Variants in CTNNA3 observed in about 807,000 individuals in gnomAD.
The protein encoded by CTNNA3 is catenin alpha 3, also known as catenin alpha-3.
A neutral mutation model predicts 95.7 loss-of-function variants in CTNNA3; 76 were observed. The observed-to-expected ratio is 0.79, with a 90% CI of 0.66 to 0.96. CTNNA3 has a LOEUF of 0.96. Among genes scored for constraint, CTNNA3 ranks in the 40% least tolerant of loss-of-function variants. The probability of loss-of-function intolerance (pLI) is 0.00; values close to 1 mark genes in which losing one functional copy is unlikely to be tolerated. For synonymous variants in CTNNA3, 431 were observed against 374.4 expected, an observed-to-expected ratio of 1.15 and a Z score of -1.74; for missense variants, 1,191 against 1,089.8, an observed-to-expected ratio of 1.09 and a Z score of -1.31.
chr10:67,519,902 T>C (rs531314153), intron 5 of CTNNA3, among the ~76,000 whole-genome samples: 2 of 152,274 alleles, frequency 1.3e-5, no homozygotes, highest in Admixed American at 1.3e-4. Context: ...GAATGCGAGA[T>C]AAAAGATAAA....
chr10:67,406,023 A>T (rs548877894), intron 5 of CTNNA3, among the ~76,000 whole-genome samples: 15 of 152,318 alleles, frequency 9.8e-5, no homozygotes, highest in African/African-American at 3.6e-4. Flanking sequence ...ACATGGGGGC[A>T]GTTTCCTCCA....
chr10:66,029,175 T>C (rs1233041227), intron 15 of CTNNA3, among the ~76,000 whole-genome samples: 9 of 152,062 alleles, frequency 5.9e-5, no homozygotes, highest in Admixed American at 1.3e-4. Flanking sequence ...AGCTTCTAAT[T>C]GGCCTTTTTA....
chr10:66,773,258 G>C (rs1214098706), intron 8 of CTNNA3, among the ~76,000 whole-genome samples: 1 of 152,120 alleles, frequency 6.6e-6, no homozygotes, highest in Non-Finnish European at 1.5e-5. Context: ...TCCTACAACA[G>C]ACAGAACTTC....
Position 66,950,912 on chromosome 10 carries a change from T to C in CTNNA3, c.1048-175388A>G, listed in dbSNP as rs1408589883. On this transcript the variant is annotated intron_variant, in intron 7 of 17. Coordinates refer to ENST00000433211, the MANE Select transcript of CTNNA3 (RefSeq NM_013266.4). ...TGAGGTGTAATCACATGAGACAGAA[T>C]TTGAATTCTGATCTGTCGGATTCAG... 1.1e-4 allele frequency among the ~76,000 whole-genome samples: 16 copies of C among 152,258 alleles called. No homozygotes were observed. The East Asian group carries it at 2.9e-3, about 28-fold the overall frequency.
intron 13 of CTNNA3, among the ~76,000 whole-genome samples, chr10:66,278,444 A>T (rs569479107): frequency 6.6e-6 from 1 of 152,070 alleles, no homozygotes; most frequent in Non-Finnish European, 1.5e-5. Flanking sequence ...AGTTAACAGA[A>T]ATGGAAGTAT....
intron 15 of CTNNA3, among the ~76,000 whole-genome samples, chr10:66,020,549 T>C (rs547471282): frequency 6.6e-6 from 1 of 152,326 alleles, no homozygotes; most frequent in Admixed American, 6.5e-5. Flanking sequence ...TAATTTATCT[T>C]ACATTCTGGC....
At chr10:66,365,300 C>G (rs184719727) in intron 12 of CTNNA3, among the ~76,000 whole-genome samples, 2 of 152,220 alleles carry the variant, frequency 1.3e-5, no homozygotes, top group East Asian at 3.9e-4. Flanking sequence ...AAACCAAACA[C>G]TGCATGTTCT....
At chr10:66,654,931 T>C (rs1846025776) in intron 9 of CTNNA3, among the ~76,000 whole-genome samples, 2 of 151,974 alleles carry the variant, frequency 1.3e-5, no homozygotes, top group East Asian at 1.9e-4. Flanking sequence ...GTGGTTAACA[T>C]GGGCTGTGGG....
chr10:66,684,269 C>A (rs1166601214), intron 9 of CTNNA3, among the ~76,000 whole-genome samples: 1 of 152,096 alleles, frequency 6.6e-6, no homozygotes, highest in Non-Finnish European at 1.5e-5. Flanking sequence ...TCCTATAATG[C>A]ACAGGGTAGC....
At chr10:67,451,921 G>A (rs1330982558) in intron 5 of CTNNA3, among the ~76,000 whole-genome samples, 2 of 151,904 alleles carry the variant, frequency 1.3e-5, no homozygotes, top group Admixed American at 6.6e-5. Context: ...ATCCAAACAG[G>A]TTAAGTAATC....
At chr10:67,463,445 T>C (rs574782071) in intron 5 of CTNNA3, among the ~76,000 whole-genome samples, 6 of 152,262 alleles carry the variant, frequency 3.9e-5, no homozygotes, top group African/African-American at 9.6e-5. Context: ...CACAAACTCA[T>C]ATCAGGTTAT....
chr10:67,038,567 G>T (rs2133136168), intron 7 of CTNNA3, among the ~76,000 whole-genome samples: 1 of 152,178 alleles, frequency 6.6e-6, no homozygotes, highest in African/African-American at 2.4e-5. Context: ...ATCAGTGGAA[G>T]CTCAATGCTT....
At chr10:66,176,056 C>G (rs949692841) in intron 13 of CTNNA3, among the ~76,000 whole-genome samples, 1 of 152,008 alleles carries the variant, frequency 6.6e-6, no homozygotes, top group African/African-American at 2.4e-5. Flanking sequence ...TTTCAGGAAA[C>G]GTAATTGGTG....
chr10:67,075,338 C>T (rs146674573), intron 7 of CTNNA3, among the ~76,000 whole-genome samples: 3 of 152,164 alleles, frequency 2.0e-5, no homozygotes, highest in East Asian at 1.9e-4. Context: ...TTAACAAGAA[C>T]AAGTATTTCA....
At chr10:66,589,912 G>C (rs1198860078) in intron 10 of CTNNA3, among the ~76,000 whole-genome samples, 2 of 151,890 alleles carry the variant, frequency 1.3e-5, no homozygotes, top group African/African-American at 2.4e-5. Flanking sequence ...CATCATAAAC[G>C]CTGCCTTAAC....
intron 12 of CTNNA3, among the ~76,000 whole-genome samples, chr10:66,335,552 G>T (rs2092384885): frequency 1.3e-5 from 2 of 152,036 alleles, no homozygotes; most frequent in Non-Finnish European, 2.9e-5. Context: ...GTGGATATTG[G>T]TGAACAGCAA....
At chr10:66,218,142 T>C (rs1040937584) in intron 13 of CTNNA3, among the ~76,000 whole-genome samples, 2 of 152,200 alleles carry the variant, frequency 1.3e-5, no homozygotes, top group Non-Finnish European at 2.9e-5. Context: ...AAGCCTGTCC[T>C]ACTCACCCTG....
At chr10:67,009,441 T>C (rs1029625531) in intron 7 of CTNNA3, among the ~76,000 whole-genome samples, 3 of 152,172 alleles carry the variant, frequency 2.0e-5, no homozygotes, top group African/African-American at 7.2e-5. Context: ...TTCTCTCCCA[T>C]TTCTCTCCTG....
chr10:67,329,858 A>T (rs1267272027), intron 5 of CTNNA3, among the ~76,000 whole-genome samples: 1 of 152,202 alleles, frequency 6.6e-6, no homozygotes. Context: ...AGTGCTCCTG[A>T]GCTGATGTAG....
Sources: gnomAD v4.1 joint callset for allele counts (sites outside exome capture counted in the v4.1 genomes callset) on GRCh38, gnomAD v4.1.1 for gene constraint, MANE v1.5 for transcripts, NCBI Gene and HGNC (gene_info 2026-07-23, HGNC 2026-07-21) for gene names.